The following PBLD variants were observed in gnomAD, a reference collection of about 807,000 sequenced individuals.
PBLD encodes the protein phenazine biosynthesis-like domain-containing protein.
A neutral mutation model predicts 31.3 loss-of-function variants in PBLD; 26 were observed. The observed-to-expected ratio is 0.83, with a 90% confidence interval of 0.61 to 1.15. PBLD has a LOEUF of 1.15. Among genes scored for constraint, PBLD ranks in the 50% most tolerant of loss-of-function variants. The pLI is 0.00. For synonymous variants in PBLD, 114 were observed against 129.0 expected, an observed-to-expected ratio of 0.88 and a Z score of 0.79; for missense variants, 307 against 351.7, an observed-to-expected ratio of 0.87 and a Z score of 1.02.
chr10:68,316,159 G>A (rs11592777), intron 1 of PBLD, among the ~76,000 whole-genome samples: 140 of 152,100 alleles, frequency 9.2e-4, no homozygotes, highest in Non-Finnish European at 1.5e-3. Context: ...CCCAATGTCG[G>A]GCTTACTAGA....
At chr10:68,290,415 T>C (rs933816293) in intron 6 of PBLD, among the ~76,000 whole-genome samples, 8 of 152,164 alleles carry the variant, frequency 5.3e-5, no homozygotes, top group African/African-American at 1.7e-4. Flanking sequence ...CATGAGTTTG[T>C]ACATTGATTT....
At chr10:68,288,365 G>T in intron 8 of PBLD, 118 bp downstream of exon 8, 2 of 1,096,676 alleles carry the variant, frequency 1.8e-6, no homozygotes, top group African/African-American at 3.1e-5. Context: ...AAAGATAGAG[G>T]AACAAGGCAG....
At chr10:68,330,495 G>T (rs899868284) in intron 1 of PBLD, among the ~76,000 whole-genome samples, 2 of 152,110 alleles carry the variant, frequency 1.3e-5, no homozygotes, top group Non-Finnish European at 2.9e-5. Context: ...CCATCTTCCT[G>T]ACACCCCACG....
intron 5 of PBLD, 26 bp downstream of exon 5, chr10:68,292,103 T>C (rs932879011): frequency 6.2e-7 from 1 of 1,606,298 alleles, no homozygotes; most frequent in Non-Finnish European, 8.5e-7. Context: ...GTAGATGGCT[T>C]AGGGCAATAA....
intron 6 of PBLD, among the ~76,000 whole-genome samples, chr10:68,289,384 G>A (rs147515973): frequency 0.041 from 6,246 of 151,916 alleles, 195 homozygotes; most frequent in East Asian, 0.18. Flanking sequence ...AAAATTAGTC[G>A]GGCATGGTGG....
At chr10:68,317,989 T>A (rs766329176) in intron 1 of PBLD, among the ~76,000 whole-genome samples, 37 of 151,498 alleles carry the variant, frequency 2.4e-4, no homozygotes, top group South Asian at 6.3e-4. Context: ...GCACTTTGGG[T>A]GGCCAAGGTG....
chr10:68,290,386 C>T (rs963780009), intron 6 of PBLD, among the ~76,000 whole-genome samples: 2 of 152,134 alleles, frequency 1.3e-5, no homozygotes, highest in African/African-American at 2.4e-5. Context: ...CTTAGTCTCT[C>T]GAACCCAGCC....
chr10:68,302,587 T>C (rs2044518498), intron 2 of PBLD, among the ~76,000 whole-genome samples: 1 of 152,012 alleles, frequency 6.6e-6, no homozygotes, highest in South Asian at 2.1e-4. Context: ...CAGTGGCTCT[T>C]GTCCAAGCAC....
At chr10:68,322,401 C>T (rs2044848528) in intron 1 of PBLD, among the ~76,000 whole-genome samples, 1 of 151,836 alleles carries the variant, frequency 6.6e-6, no homozygotes, top group South Asian at 2.1e-4. Context: ...TGGCTCACAA[C>T]TGTAATCCTA....
intron 1 of PBLD, chr10:68,331,228 A>G (rs2134583278): frequency 6.6e-6 from 1 of 152,288 alleles, no homozygotes; most frequent in South Asian, 2.1e-4. Context: ...GCAAAACCAA[A>G]ATGTACTTAT....
intron 1 of PBLD, among the ~76,000 whole-genome samples, chr10:68,323,712 G>T (rs555564352): frequency 6.6e-6 from 1 of 152,256 alleles, no homozygotes; most frequent in Non-Finnish European, 1.5e-5. Flanking sequence ...AACTAATAGA[G>T]TATACTTCCT....
intron 1 of PBLD, among the ~76,000 whole-genome samples, chr10:68,315,987 T>C (rs2134510663): frequency 6.6e-6 from 1 of 152,162 alleles, no homozygotes; most frequent in Admixed American, 6.5e-5. Flanking sequence ...GAACTCACAA[T>C]AACAAACAAT....
chr10:68,296,289 G>T lies in PBLD; in HGVS notation c.260C>A (p.Ala87Glu), dbSNP rs1289629741. 4 of 1,613,642 alleles carry T rather than the reference G, an allele frequency of 2.5e-6. No individual in the cohort carries two copies. The highest frequency in any genetic ancestry group is 3.4e-6 in the Non-Finnish European group (4 of 1,179,622). The change falls in exon 4 of 10, where the codon GCA (alanine) becomes GAA (glutamate). Residue 87 changes from alanine to glutamate, a missense_variant. By Grantham distance (107) the Ala-to-Glu change is moderately radical. Coordinates refer to ENST00000358769, the MANE Select transcript of PBLD (RefSeq NM_022129.4). ...PLCGHATLAS[A>E]AVLFHKIKNM... ...ACTTATTTTGTGAAACAGCACAGCT[G>T]CAGAAGCCAGGGTGGCATGGCCACA...
intron 1 of PBLD, among the ~76,000 whole-genome samples, chr10:68,311,493 G>A (rs1340218164): frequency 6.6e-6 from 1 of 152,156 alleles, no homozygotes; most frequent in East Asian, 1.9e-4. Flanking sequence ...GGCTGAGGCA[G>A]GAGAATGGCA....
At chr10:68,295,990 G>C (rs1162818184) in intron 4 of PBLD, 2 of 255,764 alleles carry the variant, frequency 7.8e-6, no homozygotes, top group East Asian at 1.4e-4. Context: ...TAAAATGGTT[G>C]TCAAATTCTT....
chr10:68,290,719 AT>A (rs747185535), intron 6 of PBLD, among the ~76,000 whole-genome samples: 6 of 152,170 alleles, frequency 3.9e-5, no homozygotes, highest in Non-Finnish European at 8.8e-5. Context: ...TCCGTCTCAA[AT>A]AAAAAAAAAG....
intron 1 of PBLD, among the ~76,000 whole-genome samples, chr10:68,327,972 T>C (rs2044950400): frequency 6.6e-6 from 1 of 152,210 alleles, no homozygotes; most frequent in Non-Finnish European, 1.5e-5. Flanking sequence ...ATTATTAAGA[T>C]TGAACAGGCC....
At chr10:68,296,198 T>G in intron 4 of PBLD, 68 bp downstream of exon 4, 1 of 1,156,116 alleles carries the variant, frequency 8.6e-7, no homozygotes, top group Non-Finnish European at 1.2e-6. Flanking sequence ...AGAAAAAGTG[T>G]GTGTGAGAAC....
chr10:68,311,029 A>G (rs2044660687), intron 1 of PBLD, among the ~76,000 whole-genome samples: 1 of 152,226 alleles, frequency 6.6e-6, no homozygotes, highest in African/African-American at 2.4e-5. Context: ...AAAGTGCTGA[A>G]TATCTCATGT....
Sources: allele counts gnomAD v4.1 joint callset (sites outside exome capture counted in the v4.1 genomes callset), GRCh38; gene constraint gnomAD v4.1.1; transcripts MANE v1.5; gene names NCBI Gene and HGNC (gene_info 2026-07-23, HGNC 2026-07-21).